PPFIA2: variants seen among roughly 807,000 people sequenced by gnomAD.
PPFIA2 encodes the protein liprin-alpha-2.
A neutral mutation model predicts 175.5 loss-of-function variants in PPFIA2; 46 were observed. The observed-to-expected ratio is 0.26, with a 90% CI of 0.21 to 0.34. The LOEUF is 0.34. PPFIA2 is among the 10% of genes least tolerant of loss of function. The pLI is 1.00. For missense variants in PPFIA2, 1,179 were observed against 1,506.1 expected (o/e 0.78, Z 3.60); for synonymous variants, 568 against 511.4 (o/e 1.11, Z -1.49).
chr12:81,298,653 G>A (rs959594882), intron 23 of PPFIA2, among the ~76,000 whole-genome samples: 1 of 152,214 alleles, frequency 6.6e-6, no homozygotes, highest in Non-Finnish European at 1.5e-5. Context: ...CAAATATGTA[G>A]TTCCGTCAAT....
intron 7 of PPFIA2, among the ~76,000 whole-genome samples, chr12:81,437,313 T>C (rs985859343): frequency 6.6e-6 from 1 of 152,160 alleles, no homozygotes; most frequent in Non-Finnish European, 1.5e-5. Context: ...CACTGCAAGC[T>C]CTGCCTCCAG....
chr12:81,411,436 T>C (rs2043949880), intron 7 of PPFIA2, among the ~76,000 whole-genome samples: 1 of 151,588 alleles, frequency 6.6e-6, no homozygotes, highest in Non-Finnish European at 1.5e-5. Flanking sequence ...CTCAAACACG[T>C]TATATTTTCA....
In PPFIA2 at chr12:81,282,930, G is replaced by T; in HGVS notation, c.3018+80C>A. On this transcript the variant is annotated intron_variant, in intron 26 of 32. Coordinates refer to ENST00000549396, the MANE Select transcript of PPFIA2 (RefSeq NM_003625.5). ...GCTAAGTGAAGGTTTACAATATTAT[G>T]ACTTATGACAGTTTCTTGATTTATA... 2.4e-6 allele frequency: 3 copies of T among 1,264,268 alleles called. No homozygotes were observed. In the South Asian group the frequency reaches 3.8e-5, roughly 16 times the overall value. 78.3% of individuals were successfully genotyped at this position (1,264,268 alleles called of 1,614,324 possible).
chr12:81,553,894 G>A (rs755552244), intron 4 of PPFIA2, among the ~76,000 whole-genome samples: 1 of 152,042 alleles, frequency 6.6e-6, no homozygotes, highest in Non-Finnish European at 1.5e-5. Flanking sequence ...GGTGATGATG[G>A]AGTAGGTGGT....
chr12:81,407,198 T>C (rs918989760), intron 7 of PPFIA2, among the ~76,000 whole-genome samples: 8 of 152,130 alleles, frequency 5.3e-5, no homozygotes, highest in Admixed American at 1.3e-4. Context: ...ACAAAACTAA[T>C]GTTTGGCCCA....
intron 4 of PPFIA2, among the ~76,000 whole-genome samples, chr12:81,628,780 T>C (rs1007250755): frequency 6.6e-6 from 1 of 152,208 alleles, no homozygotes; most frequent in Non-Finnish European, 1.5e-5. Flanking sequence ...TCCAACTGAT[T>C]TCTAGAATGC....
At chr12:81,363,001 C>A (rs911884356) in intron 14 of PPFIA2, among the ~76,000 whole-genome samples, 9 of 151,486 alleles carry the variant, frequency 5.9e-5, no homozygotes, top group African/African-American at 2.2e-4. Context: ...CTCTGGCATT[C>A]ACTAATCCTG....
intron 3 of PPFIA2, among the ~76,000 whole-genome samples, chr12:81,682,697 C>A (rs2073849437): frequency 6.6e-6 from 1 of 151,828 alleles, no homozygotes; most frequent in African/African-American, 2.4e-5. Context: ...TGAAATTAAG[C>A]ATTTCTCTCA....
chr12:81,382,955 C>T (rs899590098), intron 9 of PPFIA2, among the ~76,000 whole-genome samples: 1 of 151,950 alleles, frequency 6.6e-6, no homozygotes, highest in South Asian at 2.1e-4. Context: ...AAGGAGCCTT[C>T]GAAGAGGTAA....
intron 4 of PPFIA2, among the ~76,000 whole-genome samples, chr12:81,575,751 A>G (rs1922404): frequency 0.61 from 92,087 of 151,454 alleles, 28,567 homozygotes; most frequent in East Asian, 0.78. Flanking sequence ...CTATGATGAG[A>G]TTCAGTTGCA....
rs780743206 is a variant in PPFIA2 at position 81,457,843 on chromosome 12, T to C, written c.327A>G (p.Glu109=). 1 of 1,606,778 alleles carries C rather than the reference T, an allele frequency of 6.2e-7. No individual in the cohort carries two copies. The highest frequency in any genetic ancestry group is 1.3e-5 in the African/African-American group (1 of 74,564). ...GAAGTTGTTCCCTGCAGGCATTTAA[T>C]TCTTTTGTCAGTGCAGCAAATTCCT... The part of the protein sequence containing the change: ...DPPEFAALTK[E]LNACREQLLE... Residue 109 remains glutamate (E), a synonymous_variant, in exon 5 of 33, where the codon GAA becomes GAG. Transcript: ENST00000549396.
chr12:81,348,393 T>C (rs1270300953), intron 17 of PPFIA2, among the ~76,000 whole-genome samples: 1 of 152,058 alleles, frequency 6.6e-6, no homozygotes, highest in Non-Finnish European at 1.5e-5. Flanking sequence ...AATGTGAAAA[T>C]ATAGTTATAT....
At chr12:81,479,445 G>A (rs951154974) in intron 4 of PPFIA2, among the ~76,000 whole-genome samples, 8 of 152,198 alleles carry the variant, frequency 5.3e-5, no homozygotes, top group African/African-American at 1.9e-4. Flanking sequence ...ATATTTTCAC[G>A]TGTGAATTTA....
In PPFIA2 at chr12:81,263,277, A is replaced by G. The variant is rs1440003958; in HGVS notation, c.3669T>C (p.Phe1223=). Residue 1223 remains phenylalanine, a synonymous_variant, in exon 31 of 33, where the codon TTT becomes TTC. Coordinates refer to ENST00000549396, the MANE Select transcript of PPFIA2 (RefSeq NM_003625.5). ...PGSSETLPAG[F]RLTTTSGQSR... is the part of the protein sequence containing the mutation. The stretch of plus-strand genomic sequence containing the variant: ...ACTGCCCAGAGGTTGTGGTTAACCT[A>G]AATCCAGCTGGTAATGTTTCTGAGG... 1 of 1,612,162 alleles carries G rather than the reference A, an allele frequency of 6.2e-7. No individual in the cohort carries two copies. The highest frequency in any genetic ancestry group is 8.5e-7 in the Non-Finnish European group (1 of 1,178,728).
At chr12:81,406,453 AATTTT>A (rs2042953732) in intron 7 of PPFIA2, among the ~76,000 whole-genome samples, 1 of 152,108 alleles carries the variant, frequency 6.6e-6, no homozygotes, top group South Asian at 2.1e-4. Context: ...TTATTATTAT[AATTTT>A]AATGTCCATT....
intron 4 of PPFIA2, among the ~76,000 whole-genome samples, chr12:81,526,599 T>C (rs987360421): frequency 6.6e-6 from 1 of 152,200 alleles, no homozygotes; most frequent in Non-Finnish European, 1.5e-5. Context: ...AAGCAAACAT[T>C]TGGTCATTCA....
In PPFIA2 at chr12:81,277,304, A is replaced by G; in HGVS notation, c.3310+13T>C. Reference sequence around the variant, plus strand: ...AGAATAAAGGCATTTCATATGAAAGAAAGATATATTACCTTTTATTTCATG... The same window carrying G: ...AGAATAAAGGCATTTCATATGAAAGGAAGATATATTACCTTTTATTTCATG... On this transcript the variant is annotated intron_variant, in intron 28 of 32. Transcript: ENST00000549396. The G allele has an allele frequency of 6.5e-7, 1 of 1,527,470 alleles. No individual in the cohort carries two copies. The highest frequency in any genetic ancestry group is 8.8e-7 in the Non-Finnish European group (1 of 1,138,902). 94.6% of individuals were successfully genotyped at this position (1,527,470 alleles called of 1,614,324 possible).
intron 4 of PPFIA2, among the ~76,000 whole-genome samples, chr12:81,604,617 A>T (rs1048395372): frequency 2.0e-5 from 3 of 151,658 alleles, no homozygotes; most frequent in Non-Finnish European, 4.4e-5. Flanking sequence ...ATATTACAAT[A>T]TCACACCTCA....
intron 8 of PPFIA2, among the ~76,000 whole-genome samples, chr12:81,399,207 C>T (rs1388750550): frequency 6.8e-6 from 1 of 147,664 alleles, no homozygotes; most frequent in Non-Finnish European, 1.5e-5. Context: ...AATGAACCCT[C>T]CAATTATGTT....
Sources: allele counts gnomAD v4.1 joint callset (sites outside exome capture counted in the v4.1 genomes callset), GRCh38; gene constraint gnomAD v4.1.1; transcripts MANE v1.5; gene names NCBI Gene and HGNC (gene_info 2026-07-23, HGNC 2026-07-21).